The following PLCB1 variants were observed in gnomAD, a reference collection of about 807,000 sequenced individuals.
The protein encoded by PLCB1 is 1-phosphatidylinositol 4,5-bisphosphate phosphodiesterase beta-1.
Under a neutral mutation model 161.8 loss-of-function variants are expected in PLCB1, and 46 were observed. The ratio of observed to expected loss-of-function variants is 0.28; its 90% CI spans 0.22 to 0.36. The LOEUF is 0.36. Among genes scored for constraint, PLCB1 ranks in the 10% least tolerant of loss-of-function variants. The pLI is 1.00. For synonymous variants in PLCB1, 517 were observed against 503.7 expected (o/e 1.03, Z -0.35); for missense variants, 1,016 against 1,472.5 (o/e 0.69, Z 5.07).
intron 27 of PLCB1, among the ~76,000 whole-genome samples, chr20:8,784,828 A>C (rs1007721843): frequency 6.6e-6 from 1 of 152,192 alleles, no homozygotes; most frequent in Non-Finnish European, 1.5e-5. Context: ...GTTAAACACC[A>C]AACCTATATA....
intron 2 of PLCB1, among the ~76,000 whole-genome samples, chr20:8,178,774 G>A (rs770401289): frequency 3.5e-4 from 53 of 152,122 alleles, no homozygotes; most frequent in Non-Finnish European, 4.4e-4. Flanking sequence ...TCGGTTTTAC[G>A]TTTAAGTCTT....
chr20:8,266,636 C>T (rs1981967812), intron 2 of PLCB1, among the ~76,000 whole-genome samples: 1 of 152,162 alleles, frequency 6.6e-6, no homozygotes, highest in African/African-American at 2.4e-5. Context: ...TGGCATGGAT[C>T]CACTGCATAT....
chr20:8,580,921 A>G (rs1986814798), intron 3 of PLCB1, among the ~76,000 whole-genome samples: 2 of 152,358 alleles, frequency 1.3e-5, no homozygotes, highest in African/African-American at 2.4e-5. Flanking sequence ...TTAAAGTGTC[A>G]TAAGAAGCTA....
intron 3 of PLCB1, among the ~76,000 whole-genome samples, chr20:8,572,544 T>C (rs1424763070): frequency 6.6e-6 from 1 of 152,212 alleles, no homozygotes; most frequent in East Asian, 1.9e-4. Context: ...TGTAGTTGGT[T>C]TGAGCCTCAT....
chr20:8,797,146 C>T (rs536942001), intron 31 of PLCB1, among the ~76,000 whole-genome samples: 1 of 152,110 alleles, frequency 6.6e-6, no homozygotes, highest in Admixed American at 6.5e-5. Flanking sequence ...GATAAACTTC[C>T]ACCACCCTCT....
intron 3 of PLCB1, among the ~76,000 whole-genome samples, chr20:8,541,573 A>AAAGAAAGAAAGAAAGAAAGAAAGAAAG (rs1985321985): frequency 6.7e-6 from 1 of 148,984 alleles, no homozygotes; most frequent in Admixed American, 6.8e-5. Flanking sequence ...AGAAAGAAAG[A>AAAGAAAGAAAGAAAGAAAGAAAGAAAG]AAGAAAGAAA....
Position 8,648,032 on chromosome 20 carries a change from T to C in PLCB1, c.518+79T>C, listed in dbSNP as rs1421797676. 2.8e-6 allele frequency: 3 copies of C among 1,073,408 alleles called. No individual in the cohort carries two copies. In the African/African-American group the frequency reaches 4.8e-5, roughly 17 times the overall value. 66.5% of individuals were successfully genotyped at this position (1,073,408 alleles called of 1,614,324 possible). ...ATCCATGCCATGGCTCTGTTTTGTT[T>C]CTCCAGCAGCCTAAGTGGGAGTGTG... On this transcript the variant is annotated intron_variant, in intron 6 of 31. Coordinates refer to ENST00000338037, the MANE Select transcript of PLCB1 (RefSeq NM_015192.4).
intron 2 of PLCB1, among the ~76,000 whole-genome samples, chr20:8,163,523 A>G (rs905773863): frequency 4.6e-5 from 7 of 152,226 alleles, no homozygotes; most frequent in East Asian, 1.9e-4. Context: ...TTTAAAATCT[A>G]TATCGCAGTG....
chr20:8,884,480 T>C lies in PLCB1; in HGVS notation c.*2631T>C, dbSNP rs1487832043. ...TGGCCATGTAAACCAATTTTCAAAG[T>C]TCTAATGACATAGCCATGTGTTTTT... On this transcript the variant is annotated 3_prime_UTR_variant, in exon 32 of 32. Transcript: ENST00000338037. 6.6e-6 allele frequency: 1 copy of C among 152,600 alleles called. No homozygotes were observed. Among genetic ancestry groups the C allele is most frequent in the Non-Finnish European group, 1.5e-5 (1 of 68,020 alleles). 9.5% of individuals were successfully genotyped at this position (152,600 alleles called of 1,614,324 possible). A position where few individuals can be genotyped will look rare whatever the true frequency, so the allele number is the denominator to read the frequency against.
chr20:8,377,161 G>A (rs992851943), intron 3 of PLCB1, among the ~76,000 whole-genome samples: 5 of 152,088 alleles, frequency 3.3e-5, no homozygotes, highest in African/African-American at 7.2e-5. Flanking sequence ...AGCATAAAGC[G>A]GGATCGGAGA....
Position 8,276,986 on chromosome 20 carries a change from C to CTTCTTATTA in PLCB1, c.178-94394_178-94393insCTTATTATT, listed in dbSNP as rs869194352. Among the ~76,000 whole-genome samples, 790 of 93,238 alleles carry CTTCTTATTA rather than the reference C, an allele frequency of 8.5e-3. 13 individuals are homozygous for CTTCTTATTA. The highest frequency in any genetic ancestry group is 0.019 in the East Asian group (55 of 2,876). 61.2% of individuals were successfully genotyped at this position (93,238 alleles called of 152,430 possible). On this transcript the variant is annotated intron_variant, in intron 2 of 31. Transcript: ENST00000338037. ...TCTTCTTCTTCTTCTTCTTCTTCTT[C>CTTCTTATTA]TTATTATTATTATTATTATTATTAT...
rs375719930 is a variant in PLCB1 at position 8,459,810 on chromosome 20, T to A, written c.246+88360T>A. Among the ~76,000 whole-genome samples, 17 of 152,322 alleles carry A rather than the reference T, an allele frequency of 1.1e-4. 1 individual carries two copies. The highest frequency in any genetic ancestry group is 4.1e-4 in the African/African-American group (17 of 41,572). On this transcript the variant is annotated intron_variant, in intron 3 of 31. Transcript: ENST00000338037. ...GCTTTGCATGGTACAACCTTCGGAG[T>A]TTCTAGAAATTGCCTGGAGTGATAA... is the stretch of plus-strand genomic sequence containing the variant.
intron 2 of PLCB1, among the ~76,000 whole-genome samples, chr20:8,212,135 T>G (rs1395602951): frequency 2.0e-5 from 3 of 152,160 alleles, no homozygotes; most frequent in Non-Finnish European, 2.9e-5. Flanking sequence ...TTACTTCTTG[T>G]GATAGATGTT....
rs1388714141 is a variant in PLCB1 at position 8,516,165 on chromosome 20, C to G, written c.247-112129C>G. ...CCACAACACGTGGGAATTATGGGAG[C>G]TACAATTCTAGAAAGACTTGGTCTG... On this transcript the variant is annotated intron_variant, in intron 3 of 31. Coordinates refer to ENST00000338037, the MANE Select transcript of PLCB1 (RefSeq NM_015192.4). Among the ~76,000 whole-genome samples, 4 of 152,160 alleles carry G rather than the reference C, an allele frequency of 2.6e-5. No homozygotes were observed. The East Asian group carries it at 7.7e-4, about 29-fold the overall frequency.
At chr20:8,531,135 T>C (rs1600131903) in intron 3 of PLCB1, among the ~76,000 whole-genome samples, 1 of 152,134 alleles carries the variant, frequency 6.6e-6, no homozygotes. Flanking sequence ...CTTTTTTGTC[T>C]AAAGGAGAGT....
chr20:8,508,705 A>AGT (rs1983748137), intron 3 of PLCB1, among the ~76,000 whole-genome samples: 1 of 152,186 alleles, frequency 6.6e-6, no homozygotes, highest in Admixed American at 6.5e-5. Context: ...GAGTTCTCTA[A>AGT]AAGCACTTCC....
chr20:8,622,219 A>G (rs1988205267), intron 3 of PLCB1, among the ~76,000 whole-genome samples: 1 of 151,358 alleles, frequency 6.6e-6, no homozygotes. Context: ...ACGCCACTGC[A>G]TTCCAGCCTG....
intron 2 of PLCB1, among the ~76,000 whole-genome samples, chr20:8,173,879 T>A (rs1225907152): frequency 6.6e-6 from 1 of 152,052 alleles, no homozygotes. Flanking sequence ...GGTTCAATAG[T>A]AGAGTGGAAA....
At chr20:8,448,477 G>A (rs999905765) in intron 3 of PLCB1, among the ~76,000 whole-genome samples, 21 of 152,282 alleles carry the variant, frequency 1.4e-4, no homozygotes, top group African/African-American at 2.6e-4. Context: ...AGAAGGCAGC[G>A]GAAGAAGCCT....
Sources: allele counts gnomAD v4.1 joint callset (sites outside exome capture counted in the v4.1 genomes callset), GRCh38; gene constraint gnomAD v4.1.1; transcripts MANE v1.5; gene names NCBI Gene and HGNC (gene_info 2026-07-23, HGNC 2026-07-21).